PIWIL3: variants seen among roughly 807,000 people sequenced by gnomAD.
The protein encoded by PIWIL3 is piwi like RNA-mediated gene silencing 3, also known as piwi-like protein 3.
A neutral mutation model predicts 109.7 loss-of-function variants in PIWIL3; 101 were observed. The ratio of observed to expected loss-of-function variants is 0.92; its 90% CI spans 0.78 to 1.09. PIWIL3 has a LOEUF of 1.09. Ranked by LOEUF, PIWIL3 falls within the 50% of genes least tolerant of loss-of-function variation. The pLI is 0.00. For synonymous variants in PIWIL3, 373 were observed against 376.4 expected (o/e 0.99, Z 0.10); for missense variants, 1,031 against 1,072.6 (o/e 0.96, Z 0.54).
chr22:24,773,972 C>T (rs1372091695), intron 1 of PIWIL3, among the ~76,000 whole-genome samples: 1 of 152,060 alleles, frequency 6.6e-6, no homozygotes. Flanking sequence ...CTCAGCCTCC[C>T]AAAGTGCTGG....
intron 12 of PIWIL3, among the ~76,000 whole-genome samples, chr22:24,747,532 A>G (rs370685654): frequency 6.6e-6 from 1 of 152,222 alleles, no homozygotes; most frequent in African/African-American, 2.4e-5. Flanking sequence ...ATGGGAGAAA[A>G]TATTTGCAAA....
chr22:24,755,055 T>A (rs1186593979), intron 6 of PIWIL3, among the ~76,000 whole-genome samples, 191 bp from the exon 7 acceptor site: 2 of 152,240 alleles, frequency 1.3e-5, no homozygotes, highest in Non-Finnish European at 2.9e-5. Flanking sequence ...CATCTCCTTA[T>A]AAACATAATA....
At chr22:24,752,668 T>C (rs1255985134) in intron 8 of PIWIL3, among the ~76,000 whole-genome samples, 2 of 152,312 alleles carry the variant, frequency 1.3e-5, no homozygotes, top group Middle Eastern at 3.4e-3. Flanking sequence ...TTTTCCTTAG[T>C]GTGAGACAAA....
rs1260201511 is a variant in PIWIL3 at position 24,734,087 on chromosome 22, C to G, written c.1704G>C (p.Gln568His). Residue 568 changes from glutamine to histidine, a missense_variant, in exon 14 of 21, where the codon CAG becomes CAC. Transcript: ENST00000616349. ...TLRKYTRPTL[Q>H]MVICILPNDD... ...CATGTATCAACTAGACACTTACCAT[C>G]TGCAGTGTTGGTCTAGTATATTTCC... is the stretch of plus-strand genomic sequence containing the variant. 2 of 1,610,434 alleles carry G rather than the reference C, an allele frequency of 1.2e-6. No individual in the cohort carries two copies. The highest frequency in any genetic ancestry group is 1.7e-5 in the Admixed American group (1 of 59,446).
chr22:24,728,086 A>G (rs373112833), intron 15 of PIWIL3, 33 bp from the exon 16 acceptor site: 2 of 1,608,792 alleles, frequency 1.2e-6, no homozygotes, highest in Non-Finnish European at 8.5e-7. Flanking sequence ...TAATGGAGTT[A>G]GAACGTGAGC....
intron 19 of PIWIL3, among the ~76,000 whole-genome samples, chr22:24,720,223 C>A (rs1922582152): frequency 6.8e-6 from 1 of 147,396 alleles, no homozygotes. Flanking sequence ...TGAAGGCCTG[C>A]TGCCTCGCTG....
At chr22:24,736,311 G>C (rs1481880083) in intron 12 of PIWIL3, among the ~76,000 whole-genome samples, 1 of 152,176 alleles carries the variant, frequency 6.6e-6, no homozygotes, top group East Asian at 1.9e-4. Context: ...AGAACTCTCT[G>C]AACCCCTTCT....
At chr22:24,753,927 A>G (rs1385296035) in intron 8 of PIWIL3, 87 bp downstream of exon 8, 2 of 1,140,842 alleles carry the variant, frequency 1.8e-6, no homozygotes, top group African/African-American at 1.6e-5. Context: ...TTCAACATTT[A>G]GTGATTAGAA....
At chr22:24,741,161 C>T (rs1223534076) in intron 12 of PIWIL3, among the ~76,000 whole-genome samples, 2 of 152,192 alleles carry the variant, frequency 1.3e-5, no homozygotes, top group Non-Finnish European at 2.9e-5. Context: ...ACAAAAATCA[C>T]ATGGTTATCT....
chr22:24,754,957 C>T, intron 6 of PIWIL3, 93 bp from the exon 7 acceptor site: 1 of 975,492 alleles, frequency 1.0e-6, no homozygotes, highest in South Asian at 1.4e-5. Context: ...CTGTCAATGA[C>T]TGTTTATATT....
In PIWIL3 at chr22:24,774,323, T is replaced by C. The variant is rs5760636; in HGVS notation, c.-24A>G. On this transcript the variant is annotated splice_region_variant and 5_prime_UTR_variant, in exon 1 of 21. In the 5' UTR this introduces an upstream ATG that the reference lacks. Coordinates refer to ENST00000616349, the MANE Select transcript of PIWIL3 (RefSeq NM_001255975.1). ...TTGGTAAGCACACACCATACTCACT[T>C]ATCTGGTCACATATTTCCTTAGAAG... is the stretch of plus-strand genomic sequence containing the variant. 65,857 of 151,510 alleles carry C rather than the reference T, an allele frequency of 0.43. 14,505 individuals carry two copies. Among genetic ancestry groups the C allele is most frequent in the East Asian group, 0.58 (2,975 of 5,090 alleles). 9.4% of individuals were successfully genotyped at this position (151,510 alleles called of 1,614,324 possible). A position where few individuals can be genotyped will look rare whatever the true frequency, so the allele number is the denominator to read the frequency against.
intron 1 of PIWIL3, among the ~76,000 whole-genome samples, chr22:24,773,052 C>G (rs1321339959): frequency 6.6e-6 from 1 of 152,190 alleles, no homozygotes; most frequent in East Asian, 1.9e-4. Context: ...ACTGACCCCA[C>G]TGCCCCAGTC....
intron 13 of PIWIL3, among the ~76,000 whole-genome samples, chr22:24,735,198 A>G (rs1256392336): frequency 1.3e-5 from 2 of 152,216 alleles, no homozygotes; most frequent in African/African-American, 4.8e-5. Flanking sequence ...TACATGTCAT[A>G]TACATTTGTC....
chr22:24,726,648 TTAAAA>T (rs774464478), intron 16 of PIWIL3, among the ~76,000 whole-genome samples: 13 of 152,336 alleles, frequency 8.5e-5, no homozygotes, highest in Admixed American at 2.0e-4. Context: ...TTTTACACTA[TTAAAA>T]TAAGTATTAC....
In PIWIL3 at chr22:24,722,837, G is replaced by T. The variant is rs577922384; in HGVS notation, c.2357+293C>A. On this transcript the variant is annotated intron_variant, in intron 19 of 20. Coordinates refer to ENST00000616349, the MANE Select transcript of PIWIL3 (RefSeq NM_001255975.1). The stretch of plus-strand genomic sequence containing the variant: ...CAAATTGTCAATATAAACATCATTT[G>T]CTATCTTTTGTATTCGTAATTAGAA... Among the ~76,000 whole-genome samples the T allele has an allele frequency of 7.4e-4, 112 of 152,210 alleles. 1 individual carries two copies. The highest frequency in any genetic ancestry group is 2.6e-3 in the African/African-American group (110 of 41,538).
At chr22:24,744,563 ACT>A (rs1281982801) in intron 12 of PIWIL3, among the ~76,000 whole-genome samples, 1 of 152,096 alleles carries the variant, frequency 6.6e-6, no homozygotes, top group African/African-American at 2.4e-5. Flanking sequence ...ACAGAGCAAG[ACT>A]CTGTCTCAAA....
At chr22:24,735,923 A>C in intron 12 of PIWIL3, 31 bp from the exon 13 acceptor site, 1 of 1,523,082 alleles carries the variant, frequency 6.6e-7, no homozygotes, top group Non-Finnish European at 8.9e-7. Flanking sequence ...ATGGCATAAA[A>C]CTTTATTTTA....
At chr22:24,720,262 T>A (rs5760606) in intron 19 of PIWIL3, among the ~76,000 whole-genome samples, 1 of 36,868 alleles carries the variant, frequency 2.7e-5, no homozygotes, top group African/African-American at 1.5e-4. Context: ...TTAAACTGTT[T>A]TTTTTTTTTT....
intron 8 of PIWIL3, among the ~76,000 whole-genome samples, chr22:24,753,144 T>C (rs1924810293): frequency 6.6e-6 from 1 of 152,268 alleles, no homozygotes; most frequent in South Asian, 2.1e-4. Flanking sequence ...AATAAGTTTT[T>C]AATTTGGTGA....
Sources: gnomAD v4.1 joint callset for allele counts (sites outside exome capture counted in the v4.1 genomes callset) on GRCh38, gnomAD v4.1.1 for gene constraint, MANE v1.5 for transcripts, NCBI Gene and HGNC (gene_info 2026-07-23, HGNC 2026-07-21) for gene names.